Variants in MRPS6 observed in about 807,000 individuals in gnomAD.
MRPS6 encodes the protein small ribosomal subunit protein bS6m.
MRPS6 carries 6 observed loss-of-function variants against 13.1 expected under a neutral mutation model. The observed-to-expected ratio is 0.46, with a 90% confidence interval of 0.25 to 0.91. The LOEUF (loss-of-function observed/expected upper bound fraction) is 0.91, where lower values mean the gene tolerates loss of function less well. Among genes scored for constraint, MRPS6 ranks in the 40% least tolerant of loss-of-function variants. The probability of loss-of-function intolerance (pLI) is 0.18; values close to 1 mark genes in which losing one functional copy is unlikely to be tolerated. For missense variants in MRPS6, 164 were observed against 155.6 expected (o/e 1.05, Z -0.29); for synonymous variants, 61 against 56.5 (o/e 1.08, Z -0.36).
At chr21:34,093,017 C>T (rs567683892) in intron 1 of MRPS6, among the ~76,000 whole-genome samples, 7 of 152,328 alleles carry the variant, frequency 4.6e-5, no homozygotes, top group African/African-American at 1.7e-4. Flanking sequence ...TTGTAATTGA[C>T]AAGCTTCCCT....
chr21:34,090,716 T>G (rs1978641953), intron 1 of MRPS6, among the ~76,000 whole-genome samples: 1 of 152,212 alleles, frequency 6.6e-6, no homozygotes, highest in South Asian at 2.1e-4. Context: ...CTGTTACTTA[T>G]TCCTTATAAA....
chr21:34,112,018 C>G (rs940706734), intron 1 of MRPS6, among the ~76,000 whole-genome samples: 1 of 152,106 alleles, frequency 6.6e-6, no homozygotes, highest in Non-Finnish European at 1.5e-5. Context: ...AGTTCTTTTA[C>G]TCTGCATCTC....
intron 1 of MRPS6, among the ~76,000 whole-genome samples, chr21:34,092,299 G>A (rs574103028): frequency 2.6e-5 from 4 of 152,162 alleles, no homozygotes; most frequent in Non-Finnish European, 4.4e-5. Flanking sequence ...TTTTGGTTTT[G>A]TTTTTCCTTT....
intron 1 of MRPS6, chr21:34,102,470 TA>T: frequency 1.0e-6 from 1 of 1,000,158 alleles, no homozygotes; most frequent in South Asian, 4.7e-5. Context: ...CCAACAACCC[TA>T]ACCATTGGCA....
intron 2 of MRPS6, 109 bp downstream of exon 2, chr21:34,125,589 G>A (rs1346606425): frequency 2.2e-5 from 32 of 1,483,436 alleles, no homozygotes; most frequent in African/African-American, 2.8e-5. Flanking sequence ...CCCCTGTTGC[G>A]CCTAGGTGTC....
chr21:34,138,436 A>G (rs1437003975), intron 2 of MRPS6, among the ~76,000 whole-genome samples: 2 of 152,064 alleles, frequency 1.3e-5, no homozygotes, highest in African/African-American at 4.8e-5. Flanking sequence ...TTTTTGAACT[A>G]CTCATCTAAC....
At chr21:34,075,016 C>T (rs866438111) in intron 1 of MRPS6, among the ~76,000 whole-genome samples, 1 of 152,228 alleles carries the variant, frequency 6.6e-6, no homozygotes, top group Non-Finnish European at 1.5e-5. Flanking sequence ...AAGATAGTAT[C>T]TGTTCAGCCT....
chr21:34,104,789 T>C (rs1406719115), intron 1 of MRPS6: 15 of 1,000,114 alleles, frequency 1.5e-5, no homozygotes, highest in African/African-American at 5.2e-5. Context: ...AAAGCTGTTA[T>C]AACCTGTTAA....
At chr21:34,135,520 T>C in intron 2 of MRPS6, 1 of 506,890 alleles carries the variant, frequency 2.0e-6, no homozygotes, top group Non-Finnish European at 4.0e-6. Context: ...AGTGATGAGC[T>C]CATCTGCCAG....
chr21:34,095,671 T>A (rs1366202465), intron 1 of MRPS6: 1 of 1,613,832 alleles, frequency 6.2e-7, no homozygotes, highest in African/African-American at 1.3e-5. Context: ...GGTTGGAATC[T>A]TTATGTGTCT....
At chr21:34,127,679 T>G (rs1413029871) in intron 2 of MRPS6, among the ~76,000 whole-genome samples, 3 of 152,226 alleles carry the variant, frequency 2.0e-5, no homozygotes, top group African/African-American at 7.2e-5. Flanking sequence ...AAGGTTAGTC[T>G]GATATTCTCT....
At chr21:34,081,392 C>T (rs1236134708) in intron 1 of MRPS6, among the ~76,000 whole-genome samples, 4 of 152,154 alleles carry the variant, frequency 2.6e-5, no homozygotes, top group African/African-American at 4.8e-5. Flanking sequence ...ACTTAAGGTA[C>T]GTATATATAG....
In MRPS6 at chr21:34,142,465, C is replaced by T. The variant is rs767499072; in HGVS notation, c.243C>T (p.His81=). Residue 81 remains histidine, a synonymous_variant, in exon 3 of 3, where the codon CAC becomes CAT. Coordinates refer to ENST00000399312, the MANE Select transcript of MRPS6 (RefSeq NM_032476.4). ...CAGCTGTTGAAAGCATGGTGGAGCA[C>T]TTGTCTCGAGATATAGATGTGATTA... ...PTAAVESMVE[H]LSRDIDVIRG... 17 of 1,609,654 alleles carry T rather than the reference C, an allele frequency of 1.1e-5. No homozygotes were observed. In the South Asian group the frequency reaches 1.3e-4, roughly 13 times the overall value.
At chr21:34,138,118 G>A (rs960210259) in intron 2 of MRPS6, among the ~76,000 whole-genome samples, 5 of 151,284 alleles carry the variant, frequency 3.3e-5, no homozygotes, top group African/African-American at 1.2e-4. Context: ...ATTGAGATGT[G>A]TCTTCCTTTT....
intron 1 of MRPS6, chr21:34,098,385 A>G: frequency 3.0e-6 from 3 of 1,000,292 alleles, no homozygotes; most frequent in Non-Finnish European, 3.6e-6. Context: ...TGATTAGATC[A>G]TGATATATCA....
intron 1 of MRPS6, among the ~76,000 whole-genome samples, chr21:34,076,341 A>G (rs1940532759): frequency 6.6e-6 from 1 of 152,198 alleles, no homozygotes; most frequent in Non-Finnish European, 1.5e-5. Context: ...AAAATTTAAA[A>G]TACAGGCCCT....
chr21:34,105,288 T>C (rs533349314), intron 1 of MRPS6: 2 of 1,000,138 alleles, frequency 2.0e-6, no homozygotes, highest in Non-Finnish European at 2.4e-6. Context: ...ATGAACTGTG[T>C]TATACTTCTC....
intron 2 of MRPS6, among the ~76,000 whole-genome samples, chr21:34,131,698 G>A (rs1980506967): frequency 6.6e-6 from 1 of 152,142 alleles, no homozygotes; most frequent in Admixed American, 6.5e-5. Context: ...AAATAGAAAT[G>A]CGGGACTGTA....
intron 1 of MRPS6, among the ~76,000 whole-genome samples, chr21:34,092,163 T>C (rs1486365480): frequency 6.6e-6 from 1 of 152,076 alleles, no homozygotes; most frequent in African/African-American, 2.4e-5. Context: ...TTCAGAACCA[T>C]TTTTAAGGAA....
Sources: gnomAD v4.1 joint callset for allele counts (sites outside exome capture counted in the v4.1 genomes callset) on GRCh38, gnomAD v4.1.1 for gene constraint, MANE v1.5 for transcripts, NCBI Gene and HGNC (gene_info 2026-07-23, HGNC 2026-07-21) for gene names.